Variants in CPNE4 observed in about 807,000 individuals in gnomAD.
CPNE4 encodes the protein copine-4.
CPNE4 carries 25 observed loss-of-function variants against 67.9 expected under a neutral mutation model. That is an observed-to-expected ratio of 0.37 (90% CI 0.27 to 0.51). CPNE4 has a LOEUF of 0.51. Among genes scored for constraint, CPNE4 ranks in the 20% least tolerant of loss-of-function variants. The pLI is 0.93. For missense variants in CPNE4, 464 were observed against 690.8 expected, an observed-to-expected ratio of 0.67 and a Z score of 3.68; for synonymous variants, 242 against 244.9, an observed-to-expected ratio of 0.99 and a Z score of 0.11.
At chr3:131,905,972 C>T (rs2088733075) in intron 1 of CPNE4, among the ~76,000 whole-genome samples, 1 of 152,114 alleles carries the variant, frequency 6.6e-6, no homozygotes, top group African/African-American at 2.4e-5. Context: ...CAAGCCAGCT[C>T]CAAGACAGAG....
intron 7 of CPNE4, among the ~76,000 whole-genome samples, chr3:131,612,958 C>A (rs779597710): frequency 6.6e-6 from 1 of 152,178 alleles, no homozygotes; most frequent in African/African-American, 2.4e-5. Context: ...AAGAGGAAGT[C>A]GTATCTTGTA....
chr3:131,791,026 G>C (rs775876557), intron 2 of CPNE4, among the ~76,000 whole-genome samples: 1 of 152,068 alleles, frequency 6.6e-6, no homozygotes, highest in South Asian at 2.1e-4. Flanking sequence ...GTACAACATT[G>C]ATCAAAACAA....
chr3:131,768,591 G>C (rs1260654998), intron 2 of CPNE4, among the ~76,000 whole-genome samples: 1 of 152,090 alleles, frequency 6.6e-6, no homozygotes, highest in Non-Finnish European at 1.5e-5. Context: ...AAGAGTCCTG[G>C]GGGATGTCTG....
intron 7 of CPNE4, among the ~76,000 whole-genome samples, chr3:131,613,916 A>G (rs909233506): frequency 6.6e-6 from 1 of 152,196 alleles, no homozygotes; most frequent in African/African-American, 2.4e-5. Flanking sequence ...AACCAAAAAA[A>G]GGGGTACCAA....
Position 131,993,603 on chromosome 3 carries a change from C to T in CPNE4, c.-2+40964G>A, listed in dbSNP as rs537793778. ...GTGCAGCAGAAGCAGAATCAAAGCC[C>T]TTGGTAGAAGATGAGCTCTAGAAAG... On this transcript the variant is annotated intron_variant, in intron 1 of 15. Transcript: ENST00000429747. 2.9e-3 allele frequency among the ~76,000 whole-genome samples: 386 copies of T among 134,440 alleles called. 22 individuals carry two copies. The highest frequency in any genetic ancestry group is 9.1e-3 in the African/African-American group (369 of 40,512). 88.2% of individuals were successfully genotyped at this position (134,440 alleles called of 152,430 possible).
chr3:131,537,952 T>A (rs2107622215), intron 15 of CPNE4, among the ~76,000 whole-genome samples: 1 of 152,330 alleles, frequency 6.6e-6, no homozygotes, highest in Non-Finnish European at 1.5e-5. Flanking sequence ...TGTGGGGGAC[T>A]GTCCGGTGCA....
chr3:131,930,321 A>G (rs2071022541), intron 1 of CPNE4, among the ~76,000 whole-genome samples: 1 of 152,138 alleles, frequency 6.6e-6, no homozygotes, highest in Admixed American at 6.6e-5. Context: ...AGGGTCATAT[A>G]GAAGAGGCTA....
chr3:131,787,161 T>A (rs1190748124), intron 2 of CPNE4, among the ~76,000 whole-genome samples: 5 of 152,194 alleles, frequency 3.3e-5, no homozygotes, highest in Admixed American at 2.6e-4. Context: ...GAATTAAGTT[T>A]TTATAGACAC....
At chr3:131,908,355 G>C (rs909681453) in intron 1 of CPNE4, among the ~76,000 whole-genome samples, 3 of 152,128 alleles carry the variant, frequency 2.0e-5, no homozygotes, top group Non-Finnish European at 2.9e-5. Context: ...ACAAAGCAAA[G>C]GGAGAAAAAG....
chr3:131,702,628 A>G (rs1011663279), intron 3 of CPNE4, among the ~76,000 whole-genome samples: 1 of 152,196 alleles, frequency 6.6e-6, no homozygotes, highest in East Asian at 1.9e-4. Flanking sequence ...TCTCGGCCCT[A>G]TAATAGCCCA....
At chr3:131,579,782 A>C (rs897667135) in intron 9 of CPNE4, among the ~76,000 whole-genome samples, 4 of 152,202 alleles carry the variant, frequency 2.6e-5, no homozygotes, top group African/African-American at 9.7e-5. Context: ...ACAACTGATA[A>C]AACTTGAATG....
chr3:131,567,413 G>GA (rs1295994915), intron 10 of CPNE4, among the ~76,000 whole-genome samples: 1 of 151,826 alleles, frequency 6.6e-6, no homozygotes, highest in Non-Finnish European at 1.5e-5. Flanking sequence ...TAAAATAATA[G>GA]AAAAAAACAT....
At chr3:131,706,196 G>A (rs74432498) in intron 3 of CPNE4, among the ~76,000 whole-genome samples, 20,640 of 152,152 alleles carry the variant, frequency 0.14, 1,600 homozygotes, top group African/African-American at 0.2. Flanking sequence ...TTCTTTGACC[G>A]TTTTTAAGTG....
chr3:131,682,631 G>A (rs59055309), intron 6 of CPNE4, among the ~76,000 whole-genome samples: 1,858 of 152,038 alleles, frequency 0.012, 37 homozygotes, highest in African/African-American at 0.041. Flanking sequence ...TAGGATAACC[G>A]TGCTTGGCTA....
intron 6 of CPNE4, 73 bp from the exon 7 acceptor site, chr3:131,669,837 G>C: frequency 1.7e-6 from 2 of 1,166,804 alleles, no homozygotes; most frequent in Non-Finnish European, 1.3e-6. Context: ...CATTAAAACT[G>C]CTTGAGAAAC....
In CPNE4 at chr3:131,938,826, G is replaced by A. The variant is rs545168586; in HGVS notation, c.-1-33382C>T. Among the ~76,000 whole-genome samples, 12 of 152,184 alleles carry A rather than the reference G, an allele frequency of 7.9e-5. No individual in the cohort carries two copies. In the South Asian group the frequency reaches 2.5e-3, roughly 32 times the overall value. The stretch of plus-strand genomic sequence containing the variant: ...GACACAGAGCCAAACCATATAAAAT[G>A]GATCAGGTTTATGGGGAAATTCAAA... On this transcript the variant is annotated intron_variant, in intron 1 of 15. Coordinates refer to ENST00000429747, the MANE Select transcript of CPNE4 (RefSeq NM_130808.3).
intron 2 of CPNE4, among the ~76,000 whole-genome samples, chr3:131,810,756 C>T (rs1169717806): frequency 6.6e-6 from 1 of 152,064 alleles, no homozygotes; most frequent in Non-Finnish European, 1.5e-5. Flanking sequence ...CAGCATTGTT[C>T]ACAGTAGCCA....
intron 4 of CPNE4, 96 bp from the exon 5 acceptor site, chr3:131,696,712 A>G: frequency 1.8e-6 from 2 of 1,085,898 alleles, no homozygotes; most frequent in Non-Finnish European, 2.8e-6. Context: ...TCAAAACTCA[A>G]CAAAGACAAA....
chr3:131,666,050 A>G (rs113945399), intron 7 of CPNE4, among the ~76,000 whole-genome samples: 3,303 of 152,246 alleles, frequency 0.022, 124 homozygotes, highest in African/African-American at 0.075. Flanking sequence ...CAGGTAAAAT[A>G]TCCAGGAAAA....
Sources: allele counts gnomAD v4.1 joint callset (sites outside exome capture counted in the v4.1 genomes callset), GRCh38; gene constraint gnomAD v4.1.1; transcripts MANE v1.5; gene names NCBI Gene and HGNC (gene_info 2026-07-23, HGNC 2026-07-21).